L3MBTL4: variants seen among roughly 807,000 people sequenced by gnomAD.
L3MBTL4 encodes L3MBTL histone methyl-lysine binding protein 4, also known as lethal(3)malignant brain tumor-like protein 4.
L3MBTL4 carries 70 observed loss-of-function variants against 84.5 expected under a neutral mutation model. The ratio of observed to expected loss-of-function variants is 0.83; its 90% CI spans 0.68 to 1.01. The LOEUF (loss-of-function observed/expected upper bound fraction) is 1.01, where lower values mean the gene tolerates loss of function less well. Among genes scored for constraint, L3MBTL4 ranks in the 50% least tolerant of loss-of-function variants. The probability of loss-of-function intolerance (pLI) is 0.00; values close to 1 mark genes in which losing one functional copy is unlikely to be tolerated. For synonymous variants in L3MBTL4, 274 were observed against 259.8 expected (o/e 1.05, Z -0.52); for missense variants, 715 against 754.8 (o/e 0.95, Z 0.62).
intron 5 of L3MBTL4, 57 bp from the exon 6 acceptor site, chr18:6,244,645 A>G: frequency 8.2e-7 from 1 of 1,212,952 alleles, no homozygotes. Flanking sequence ...GTTTTATATT[A>G]AGATATTTGG....
intron 17 of L3MBTL4, 97 bp downstream of exon 17, chr18:5,969,296 G>T: frequency 1.5e-6 from 2 of 1,338,668 alleles, no homozygotes; most frequent in Non-Finnish European, 2.1e-6. Context: ...GAAAAAGGGC[G>T]CTGTCCCAGA....
At chr18:6,286,868 A>G (rs980085546) in intron 4 of L3MBTL4, among the ~76,000 whole-genome samples, 1 of 151,962 alleles carries the variant, frequency 6.6e-6, no homozygotes, top group African/African-American at 2.4e-5. Context: ...TCCCCCTCCT[A>G]TTTGAGAGGG....
At chr18:6,118,546 C>T (rs369970452) in intron 14 of L3MBTL4, among the ~76,000 whole-genome samples, 7 of 152,094 alleles carry the variant, frequency 4.6e-5, no homozygotes, top group East Asian at 1.9e-4. Flanking sequence ...CATGCTTGTT[C>T]AGTGAAAGAA....
intron 12 of L3MBTL4, among the ~76,000 whole-genome samples, chr18:6,203,351 T>C (rs903826902): frequency 7.2e-5 from 11 of 152,152 alleles, no homozygotes; most frequent in African/African-American, 2.7e-4. Flanking sequence ...AGCCTCACAT[T>C]CCAGCCCAAA....
chr18:6,160,308 G>A (rs1400494537), intron 13 of L3MBTL4, among the ~76,000 whole-genome samples: 2 of 152,220 alleles, frequency 1.3e-5, no homozygotes, highest in Non-Finnish European at 2.9e-5. Flanking sequence ...GGAGTCAGGA[G>A]TGTTCGGAGT....
At chr18:5,965,071 CAT>C (rs1182180002) in intron 17 of L3MBTL4, among the ~76,000 whole-genome samples, 1 of 152,226 alleles carries the variant, frequency 6.6e-6, no homozygotes, top group Non-Finnish European at 1.5e-5. Context: ...CAACTTATCA[CAT>C]GTGCACACCC....
At chr18:6,114,767 T>G (rs2059306219) in intron 14 of L3MBTL4, among the ~76,000 whole-genome samples, 1 of 152,252 alleles carries the variant, frequency 6.6e-6, no homozygotes, top group Non-Finnish European at 1.5e-5. Context: ...TCTTATTGGT[T>G]TCCATCCACT....
chr18:6,150,833 T>C (rs975483462), intron 13 of L3MBTL4, among the ~76,000 whole-genome samples: 2 of 152,102 alleles, frequency 1.3e-5, no homozygotes, highest in Non-Finnish European at 2.9e-5. Flanking sequence ...AATCAGCAAA[T>C]AAAAATGTTC....
At chr18:6,067,023 CT>C (rs1033357860) in intron 16 of L3MBTL4, among the ~76,000 whole-genome samples, 3 of 150,628 alleles carry the variant, frequency 2.0e-5, no homozygotes, top group Admixed American at 6.6e-5. Context: ...ATTTGTTTGT[CT>C]GAGAAAGACT....
intron 16 of L3MBTL4, among the ~76,000 whole-genome samples, chr18:6,077,670 T>C (rs988596507): frequency 6.6e-6 from 1 of 151,102 alleles, no homozygotes; most frequent in Non-Finnish European, 1.5e-5. Context: ...CCAGTGTATA[T>C]AACCTCCCCT....
In L3MBTL4 at chr18:6,270,370, G is replaced by A. The variant is rs147528842; in HGVS notation, c.128-6332C>T. ...GTGCTCGTCTCCCCAGGCAAAGCAG[G>A]TACTGAGAGAATCCAACTTCTCCCT... On this transcript the variant is annotated intron_variant, in intron 4 of 18. Coordinates refer to ENST00000317931, the MANE Select transcript of L3MBTL4 (RefSeq NM_001330559.2). Among the ~76,000 whole-genome samples, 211 of 152,286 alleles carry A rather than the reference G, an allele frequency of 1.4e-3. 1 individual carries two copies. Among genetic ancestry groups the A allele is most frequent in the Middle Eastern group, 0.01 (3 of 294 alleles).
At chr18:6,007,196 G>A (rs376159404) in intron 16 of L3MBTL4, among the ~76,000 whole-genome samples, 11 of 151,878 alleles carry the variant, frequency 7.2e-5, no homozygotes, top group Admixed American at 2.0e-4. Context: ...AACCATTTGC[G>A]ACTCATATCA....
At chr18:6,338,566 TA>T (rs916072388) in intron 1 of L3MBTL4, among the ~76,000 whole-genome samples, 9 of 151,530 alleles carry the variant, frequency 5.9e-5, no homozygotes, top group African/African-American at 2.2e-4. Flanking sequence ...CAAAGGCCAG[TA>T]AAAAAATAGA....
chr18:6,004,997 ATTTTTTTTTTT>A lies in L3MBTL4; in HGVS notation c.1445-35446_1445-35436del, dbSNP rs60294342. Among the ~76,000 whole-genome samples the A allele has an allele frequency of 3.8e-4, 20 of 52,156 alleles. 2 individuals carry two copies. Among genetic ancestry groups the A allele is most frequent in the South Asian group, 2.4e-3 (2 of 840 alleles). The allele number at this position is 52,156 out of a possible 152,430, so 34.2% of individuals were successfully genotyped here. On this transcript the variant is annotated intron_variant, in intron 16 of 18. Coordinates refer to ENST00000317931, the MANE Select transcript of L3MBTL4 (RefSeq NM_001330559.2). ...ACACATAAAAATGGTTAAGATGATAATTTTTTTTTTTTTTTTTTTTTTTTTTTTTTACTTTT... is the reference window on the plus strand; with the variant it reads ...ACACATAAAAATGGTTAAGATGATAATTTTTTTTTTTTTTTTTTTACTTTT...
chr18:6,345,599 T>A (rs2052859853), intron 1 of L3MBTL4, among the ~76,000 whole-genome samples: 1 of 152,092 alleles, frequency 6.6e-6, no homozygotes, highest in Non-Finnish European at 1.5e-5. Flanking sequence ...AATAAAATTA[T>A]GAGGTATAAA....
chr18:6,188,766 A>C (rs983445101), intron 12 of L3MBTL4, among the ~76,000 whole-genome samples: 1 of 152,222 alleles, frequency 6.6e-6, no homozygotes, highest in African/African-American at 2.4e-5. Context: ...TTGAGTGCTT[A>C]CCAGCACAGA....
chr18:6,322,299 C>T (rs750555788), intron 1 of L3MBTL4, among the ~76,000 whole-genome samples: 2 of 151,296 alleles, frequency 1.3e-5, no homozygotes, highest in Non-Finnish European at 2.9e-5. Flanking sequence ...GATCATGGCA[C>T]TCCACTCCAT....
At chr18:6,164,530 G>A (rs1428916480) in intron 13 of L3MBTL4, among the ~76,000 whole-genome samples, 3 of 152,172 alleles carry the variant, frequency 2.0e-5, no homozygotes, top group Admixed American at 6.5e-5. Flanking sequence ...ACCAATGTAC[G>A]CTGTTCTGCA....
chr18:6,171,926 C>G lies in L3MBTL4; in HGVS notation c.998G>C (p.Trp333Ser), dbSNP rs200390312. 2.8e-5 allele frequency: 44 copies of G among 1,547,366 alleles called. No homozygotes were observed. Among genetic ancestry groups the G allele is most frequent in the Non-Finnish European group, 3.6e-5 (41 of 1,142,496 alleles). The change falls in exon 13 of 19, where the codon TGG (tryptophan) becomes TCG (serine). Residue 333 changes from tryptophan (W) to serine (S), a missense_variant. Physicochemically the swap from Trp to Ser is radical, Grantham distance 177. Coordinates refer to ENST00000317931, the MANE Select transcript of L3MBTL4 (RefSeq NM_001330559.2). ...CACCCAGTAGTCATACTTATGGTCC[C>G]AACCATCAAAATGAACCTGTTAAAA... ...DQRVKVHFDGWDHKYDYWVEA... is the reference protein window; with the variant it reads ...DQRVKVHFDGSDHKYDYWVEA...
Sources: allele counts gnomAD v4.1 joint callset (sites outside exome capture counted in the v4.1 genomes callset), GRCh38; gene constraint gnomAD v4.1.1; transcripts MANE v1.5; gene names NCBI Gene and HGNC (gene_info 2026-07-23, HGNC 2026-07-21).